TMEM178B: variants seen among roughly 807,000 people sequenced by gnomAD.
TMEM178B encodes the protein transmembrane protein 178B.
TMEM178B carries 5 observed loss-of-function variants against 31.0 expected under a neutral mutation model. That is an observed-to-expected ratio of 0.16 (90% CI 0.08 to 0.34). The LOEUF is 0.34. TMEM178B is among the 10% of genes least tolerant of loss of function. TMEM178B has a pLI of 1.00. For missense variants in TMEM178B, 275 were observed against 400.3 expected (o/e 0.69, Z 2.67); for synonymous variants, 164 against 164.0 (o/e 1.00, Z 0.00).
At chr7:141,271,704 A>G (rs977146791) in intron 2 of TMEM178B, among the ~76,000 whole-genome samples, 5 of 152,138 alleles carry the variant, frequency 3.3e-5, no homozygotes, top group African/African-American at 4.8e-5. Context: ...CTCTTTCACA[A>G]TCTGGCAAGT....
intron 2 of TMEM178B, among the ~76,000 whole-genome samples, chr7:141,333,836 C>G (rs575606216): frequency 6.6e-6 from 1 of 152,170 alleles, no homozygotes; most frequent in African/African-American, 2.4e-5. Flanking sequence ...TCTAAAGGAG[C>G]GCGCAATCTA....
chr7:141,230,085 T>C (rs1797416797), intron 2 of TMEM178B, among the ~76,000 whole-genome samples: 3 of 152,358 alleles, frequency 2.0e-5, no homozygotes, highest in South Asian at 4.1e-4. Flanking sequence ...GATGTAAGTA[T>C]ACATAATTTA....
intron 2 of TMEM178B, among the ~76,000 whole-genome samples, chr7:141,306,645 C>A (rs1356223048): frequency 6.8e-6 from 1 of 148,026 alleles, no homozygotes; most frequent in Non-Finnish European, 1.5e-5. Context: ...TCTGGTCTCT[C>A]TGGTCTCCTT....
rs558401145 is a variant in TMEM178B, at chr7:141,126,322, G to A, written c.382+51630G>A. On this transcript the variant is annotated intron_variant, in intron 1 of 3. Coordinates refer to ENST00000565468, the MANE Select transcript of TMEM178B (RefSeq NM_001195278.2). ...GGATGGGGCCTGGAGGAGGTGAATG[G>A]GAGATTGGGCAGGAGAGGTGGGCTG... Among the ~76,000 whole-genome samples the A allele has an allele frequency of 4.6e-5, 7 of 152,314 alleles. 2 individuals are homozygous for A. The South Asian group carries it at 1.5e-3, about 32-fold the overall frequency.
chr7:141,080,084 G>A (rs1462569186), intron 1 of TMEM178B, among the ~76,000 whole-genome samples: 1 of 152,208 alleles, frequency 6.6e-6, no homozygotes, highest in Non-Finnish European at 1.5e-5. Flanking sequence ...ATTCTAAATT[G>A]AAGTAATGAG....
intron 2 of TMEM178B, among the ~76,000 whole-genome samples, chr7:141,357,334 C>T (rs749185631): frequency 6.6e-6 from 1 of 151,944 alleles, no homozygotes; most frequent in Non-Finnish European, 1.5e-5. Flanking sequence ...CTTTTTTGAT[C>T]CTAAACTCAT....
At chr7:141,273,138 C>T (rs1175820902) in intron 2 of TMEM178B, among the ~76,000 whole-genome samples, 1 of 152,098 alleles carries the variant, frequency 6.6e-6, no homozygotes, top group Non-Finnish European at 1.5e-5. Flanking sequence ...AAGACAAATA[C>T]TGCATGATCT....
intron 2 of TMEM178B, among the ~76,000 whole-genome samples, chr7:141,218,551 C>T (rs909285940): frequency 1.3e-5 from 2 of 152,182 alleles, no homozygotes; most frequent in African/African-American, 4.8e-5. Context: ...GTCCTGACCC[C>T]AGGCTGGTGT....
intron 2 of TMEM178B, among the ~76,000 whole-genome samples, chr7:141,342,599 C>T (rs1360607621): frequency 1.3e-5 from 2 of 152,012 alleles, no homozygotes; most frequent in Non-Finnish European, 2.9e-5. Flanking sequence ...GTTGCGTAGC[C>T]CTTTGGTTGA....
chr7:141,232,085 T>C (rs1042790141), intron 2 of TMEM178B, among the ~76,000 whole-genome samples: 3 of 152,210 alleles, frequency 2.0e-5, no homozygotes, highest in African/African-American at 7.2e-5. Context: ...CTTGCAATAG[T>C]TTGCTGAGGA....
At chr7:141,232,425 G>A (rs1383139759) in intron 2 of TMEM178B, among the ~76,000 whole-genome samples, 3 of 151,960 alleles carry the variant, frequency 2.0e-5, no homozygotes, top group Non-Finnish European at 4.4e-5. Context: ...CATTCCCACC[G>A]ACAGTGTTAA....
chr7:141,075,193 A>G (rs1384831581), intron 1 of TMEM178B, among the ~76,000 whole-genome samples: 2 of 152,200 alleles, frequency 1.3e-5, no homozygotes, highest in Non-Finnish European at 2.9e-5. Context: ...CACTGGTCAT[A>G]TAAACATCAA....
At chr7:141,090,182 T>G (rs1439543128) in intron 1 of TMEM178B, among the ~76,000 whole-genome samples, 1 of 152,102 alleles carries the variant, frequency 6.6e-6, no homozygotes, top group African/African-American at 2.4e-5. Flanking sequence ...ACCTTTAAAT[T>G]TTTTAAAAAA....
intron 1 of TMEM178B, among the ~76,000 whole-genome samples, chr7:141,080,580 A>G (rs1349190411): frequency 6.6e-6 from 1 of 152,236 alleles, no homozygotes; most frequent in Non-Finnish European, 1.5e-5. Context: ...AGATCGTGCT[A>G]CTGCACCCCA....
chr7:141,307,628 C>T (rs761848276), intron 2 of TMEM178B, among the ~76,000 whole-genome samples: 6 of 152,216 alleles, frequency 3.9e-5, no homozygotes, highest in Non-Finnish European at 5.9e-5. Flanking sequence ...GGGCACTCCC[C>T]GTTCTCCCTG....
At chr7:141,108,331 G>A (rs1002878871) in intron 1 of TMEM178B, among the ~76,000 whole-genome samples, 5 of 152,210 alleles carry the variant, frequency 3.3e-5, no homozygotes, top group Non-Finnish European at 7.3e-5. Context: ...ATATGGGAGA[G>A]AGGGAGAATC....
At chr7:141,423,603 T>C (rs945856009) in intron 2 of TMEM178B, among the ~76,000 whole-genome samples, 1 of 152,104 alleles carries the variant, frequency 6.6e-6, no homozygotes, top group East Asian at 1.9e-4. Flanking sequence ...AACTAAGAGT[T>C]TGTGACATAT....
chr7:141,404,075 A>G (rs117483174), intron 2 of TMEM178B, among the ~76,000 whole-genome samples: 3,161 of 152,254 alleles, frequency 0.021, 54 homozygotes, highest in Non-Finnish European at 0.031. Flanking sequence ...GGGGGCCGAG[A>G]CGGGCGGATC....
chr7:141,278,202 G>T (rs1378019856), intron 2 of TMEM178B, among the ~76,000 whole-genome samples: 1 of 152,268 alleles, frequency 6.6e-6, no homozygotes, highest in Non-Finnish European at 1.5e-5. Flanking sequence ...TGAAGGCTTT[G>T]TTCCCAGGGA....
Sources: gnomAD v4.1 joint callset for allele counts (sites outside exome capture counted in the v4.1 genomes callset) on GRCh38, gnomAD v4.1.1 for gene constraint, MANE v1.5 for transcripts, NCBI Gene and HGNC (gene_info 2026-07-23, HGNC 2026-07-21) for gene names.